BCO1: variants seen among roughly 807,000 people sequenced by gnomAD.
The protein encoded by BCO1 is beta-carotene oxygenase 1.
Under a neutral mutation model 56.3 loss-of-function variants are expected in BCO1, and 54 were observed. That is an observed-to-expected ratio of 0.96 (90% CI 0.77 to 1.20). The LOEUF is 1.20. Ranked by LOEUF, BCO1 falls within the 50% of genes most tolerant of loss-of-function variation. The pLI, the probability that BCO1 is intolerant of heterozygous loss-of-function variation, is 0.00. For synonymous variants in BCO1, 318 were observed against 266.1 expected, an observed-to-expected ratio of 1.20 and a Z score of -1.90; for missense variants, 801 against 690.9, an observed-to-expected ratio of 1.16 and a Z score of -1.79.
Position 81,270,145 on chromosome 16 carries a change from G to T in BCO1, c.844-14G>T. 1 of 1,614,056 alleles carries T rather than the reference G, an allele frequency of 6.2e-7. No homozygotes were observed. Among genetic ancestry groups the T allele is most frequent in the South Asian group, 1.1e-5 (1 of 91,068 alleles). ...AGAGGGTGAGCTGAGCCCTTGATAT[G>T]TGTCCTTTTTCAGACTTATATCCAC... On this transcript the variant is annotated splice_polypyrimidine_tract_variant and intron_variant, in intron 6 of 10. Coordinates refer to ENST00000258168, the MANE Select transcript of BCO1 (RefSeq NM_017429.3).
intron 7 of BCO1, among the ~76,000 whole-genome samples, chr16:81,275,134 C>A (rs1210611923): frequency 6.6e-6 from 1 of 152,252 alleles, no homozygotes; most frequent in African/African-American, 2.4e-5. Flanking sequence ...TGGCTCCACC[C>A]CATCCAGAGG....
chr16:81,287,356 C>T lies in BCO1; in HGVS notation c.1364C>T (p.Pro455Leu). The T allele has an allele frequency of 6.2e-7, 1 of 1,614,114 alleles. No individual in the cohort carries two copies. The highest frequency in any genetic ancestry group is 8.5e-7 in the Non-Finnish European group (1 of 1,179,998). ...AAATGGAGAGAGGACGACTGCTGGC[C>T]AGCGGAACCCCTGTTTGTGCCCGCG... The part of the protein sequence containing the change: ...SLKWREDDCW[P>L]AEPLFVPAPG... Residue 455 changes from proline to leucine, a missense_variant, in exon 10 of 11, where the codon CCA (proline) becomes CTA (leucine). Coordinates refer to ENST00000258168, the MANE Select transcript of BCO1 (RefSeq NM_017429.3).
rs1190815175 is a variant in BCO1 at position 81,272,087 on chromosome 16, T to A, written c.1101+1671T>A. Among the ~76,000 whole-genome samples the A allele has an allele frequency of 2.0e-5, 3 of 149,014 alleles. No homozygotes were observed. The Admixed American group carries it at 2.0e-4, about 10-fold the overall frequency. ...TTTATGGATTAATAGGTACATACTA[T>A]CTTACAGACTGCTTTTCTTTTCTTT... On this transcript the variant is annotated intron_variant, in intron 7 of 10. Coordinates refer to ENST00000258168, the MANE Select transcript of BCO1 (RefSeq NM_017429.3).
intron 2 of BCO1, among the ~76,000 whole-genome samples, chr16:81,251,852 GCA>G (rs747747653): frequency 0.038 from 5,302 of 140,494 alleles, 297 homozygotes; most frequent in African/African-American, 0.13. Flanking sequence ...ACACACACAC[GCA>G]CACACACACA....
chr16:81,258,909 A>T (rs566979215), intron 2 of BCO1, among the ~76,000 whole-genome samples: 1 of 152,202 alleles, frequency 6.6e-6, no homozygotes, highest in Admixed American at 6.5e-5. Context: ...GCAGAAGGCA[A>T]AGGGGGAGCA....
chr16:81,264,489 G>A (rs1162763349), intron 4 of BCO1, 151 bp from the exon 5 acceptor site: 2 of 941,456 alleles, frequency 2.1e-6, no homozygotes, highest in Non-Finnish European at 3.4e-6. Flanking sequence ...GATCAACAGA[G>A]TGCAAAAATA....
At chr16:81,241,560 G>C (rs1036111283) in intron 1 of BCO1, among the ~76,000 whole-genome samples, 1 of 152,204 alleles carries the variant, frequency 6.6e-6, no homozygotes, top group African/African-American at 2.4e-5. Context: ...GCCCTACCCA[G>C]ACCCACGGGG....
intron 1 of BCO1, among the ~76,000 whole-genome samples, chr16:81,241,274 C>G (rs1905094647): frequency 6.6e-6 from 1 of 152,066 alleles, no homozygotes; most frequent in Non-Finnish European, 1.5e-5. Flanking sequence ...GATCGCACCA[C>G]TGTACTCCAG....
At chr16:81,264,820 A>G (rs1157412330) in intron 5 of BCO1, 33 bp downstream of exon 5, 4 of 1,612,916 alleles carry the variant, frequency 2.5e-6, no homozygotes, top group Non-Finnish European at 1.7e-6. Context: ...ATAAAACACA[A>G]ACAACCAAGT....
intron 1 of BCO1, among the ~76,000 whole-genome samples, chr16:81,242,969 T>C (rs1325618684): frequency 6.6e-6 from 1 of 152,042 alleles, no homozygotes; most frequent in Non-Finnish European, 1.5e-5. Flanking sequence ...ATGGAAAAAT[T>C]ATCTTCCACA....
At chr16:81,239,104 C>G in intron 1 of BCO1, 132 bp downstream of exon 1, 1 of 741,686 alleles carries the variant, frequency 1.3e-6, no homozygotes, top group Non-Finnish European at 2.2e-6. Context: ...GCAACCTCTG[C>G]CTCCTGGGTT....
At chr16:81,257,072 G>A (rs986561512) in intron 2 of BCO1, among the ~76,000 whole-genome samples, 7 of 152,024 alleles carry the variant, frequency 4.6e-5, no homozygotes, top group Non-Finnish European at 1.0e-4. Context: ...ACCTCTTAGC[G>A]GGTGAACAGG....
intron 8 of BCO1, among the ~76,000 whole-genome samples, chr16:81,281,731 C>A (rs1439269225): frequency 2.6e-5 from 4 of 152,196 alleles, no homozygotes; most frequent in African/African-American, 9.7e-5. Context: ...CCATCGCCAT[C>A]TGGGGCTGGG....
chr16:81,268,138 T>G lies in BCO1; in HGVS notation c.843+7T>G. ...TTTCCACAGGGAGGAGAAGGTGAGG[T>G]CTGGCTGGACTCTAGCCCAGTGGGT... is the stretch of plus-strand genomic sequence containing the variant. On this transcript the variant is annotated splice_region_variant and intron_variant, in intron 6 of 10. Transcript: ENST00000258168. 2 of 1,605,066 alleles carry G rather than the reference T, an allele frequency of 1.2e-6. No individual in the cohort carries two copies. Among genetic ancestry groups the G allele is most frequent in the South Asian group, 2.2e-5 (2 of 91,042 alleles).
intron 2 of BCO1, among the ~76,000 whole-genome samples, chr16:81,245,919 A>G (rs1004103582): frequency 7.2e-6 from 1 of 138,506 alleles, no homozygotes; most frequent in Non-Finnish European, 1.5e-5. Flanking sequence ...CTGGAGTGCA[A>G]TGGTGCAATC....
intron 9 of BCO1, 49 bp downstream of exon 9, chr16:81,285,683 A>G (rs1162205589): frequency 1.5e-6 from 2 of 1,353,778 alleles, no homozygotes; most frequent in South Asian, 2.3e-5. Flanking sequence ...GATTGTGTCT[A>G]TATGCAAAGC....
At chr16:81,282,060 A>G (rs1907912954) in intron 8 of BCO1, among the ~76,000 whole-genome samples, 1 of 152,216 alleles carries the variant, frequency 6.6e-6, no homozygotes, top group African/African-American at 2.4e-5. Context: ...AGACTCAGCT[A>G]GAGAGTGGGA....
intron 6 of BCO1, among the ~76,000 whole-genome samples, chr16:81,269,065 CTTT>C (rs71146003): frequency 0.043 from 3,587 of 82,738 alleles, 27 homozygotes; most frequent in Admixed American, 0.063. Context: ...TGCACCTGGT[CTTT>C]TTTTTTTTTT....
At chr16:81,272,177 A>G (rs1907268432) in intron 7 of BCO1, among the ~76,000 whole-genome samples, 1 of 142,386 alleles carries the variant, frequency 7.0e-6, no homozygotes, top group East Asian at 2.1e-4. Context: ...GCAGTGGCGC[A>G]GTCTCAGCTC....
Sources: allele counts gnomAD v4.1 joint callset (sites outside exome capture counted in the v4.1 genomes callset), GRCh38; gene constraint gnomAD v4.1.1; transcripts MANE v1.5; gene names NCBI Gene and HGNC (gene_info 2026-07-23, HGNC 2026-07-21).